FBXL22: variants seen among roughly 807,000 people sequenced by gnomAD.
The protein encoded by FBXL22 is F-box and leucine-rich protein 22.
A neutral mutation model predicts 11.7 loss-of-function variants in FBXL22; 13 were observed. The ratio of observed to expected loss-of-function variants is 1.11; its 90% confidence interval spans 0.73 to 1.77. The LOEUF is 1.77. FBXL22 is among the 40% of genes most tolerant of loss of function. The probability of loss-of-function intolerance (pLI) is 0.00; values close to 1 mark genes in which losing one functional copy is unlikely to be tolerated. For synonymous variants in FBXL22, 160 were observed against 144.1 expected, an observed-to-expected ratio of 1.11 and a Z score of -0.79; for missense variants, 406 against 320.4, an observed-to-expected ratio of 1.27 and a Z score of -2.04.
At chr15:63,605,063 C>CA (rs1178240384), downstream of FBXL22, among the ~76,000 whole-genome samples, 144 of 145,876 alleles carry the variant, frequency 9.9e-4, no homozygotes, top group African/African-American at 1.6e-3. Flanking sequence ...GTCTCAAAAA[C>CA]AAAAAAAAAA....
At chr15:63,601,521 G>C, downstream of FBXL22, 1 of 1,556,126 alleles carries the variant, frequency 6.4e-7, no homozygotes, top group South Asian at 1.2e-5. Flanking sequence ...GAGTGTCCTG[G>C]GGACCGCCAC....
At chr15:63,607,321 A>G (rs1949297758), downstream of FBXL22, among the ~76,000 whole-genome samples, 1 of 152,222 alleles carries the variant, frequency 6.6e-6, no homozygotes, top group Non-Finnish European at 1.5e-5. Flanking sequence ...CTGGGATTAC[A>G]GGCGTGAGCC....
At chr15:63,605,034 C>T (rs550138533), downstream of FBXL22, among the ~76,000 whole-genome samples, 6 of 151,736 alleles carry the variant, frequency 4.0e-5, no homozygotes, top group South Asian at 2.1e-4. Flanking sequence ...GCACAGCCTG[C>T]GCAGCTGAGC....
downstream of FBXL22, chr15:63,601,592 G>A (rs919608210): frequency 4.4e-6 from 7 of 1,577,194 alleles, no homozygotes; most frequent in East Asian, 2.3e-5. Flanking sequence ...GGGCGCACGG[G>A]CAGAAGGAGC....
chr15:63,598,741 C>G (rs2067315064), intron 1 of FBXL22, among the ~76,000 whole-genome samples: 1 of 152,204 alleles, frequency 6.6e-6, no homozygotes, highest in Admixed American at 6.5e-5. Context: ...CGTAGTGACC[C>G]CACCTTTCTT....
downstream of FBXL22, chr15:63,601,850 C>G (rs1039920025): frequency 6.8e-6 from 7 of 1,028,972 alleles, no homozygotes; most frequent in African/African-American, 8.4e-5. Flanking sequence ...CCTGGCTAAG[C>G]TTTTGATAAT....
chr15:63,602,655 A>C (rs2067388731), downstream of FBXL22, among the ~76,000 whole-genome samples: 1 of 151,440 alleles, frequency 6.6e-6, no homozygotes, highest in African/African-American at 2.4e-5. Context: ...AACAAGGGCT[A>C]TTAGGGATTG....
chr15:63,599,193 G>C, intron 1 of FBXL22: 1 of 1,535,546 alleles, frequency 6.5e-7, no homozygotes, highest in South Asian at 1.2e-5. Flanking sequence ...CTGGCACATA[G>C]TAGGTACTGA....
In FBXL22 at chr15:63,600,912, TGCGCCGCCTGC is replaced by T. The variant is rs2067360129; in HGVS notation, c.577_587del (p.Leu193ValfsTer92). The T allele has an allele frequency of 7.4e-6, 9 of 1,215,606 alleles. No homozygotes were observed. Among genetic ancestry groups the T allele is most frequent in the South Asian group, 8.3e-5 (2 of 24,226 alleles). The allele number at this position is 1,215,606 out of a possible 1,614,324, so 75.3% of individuals were successfully genotyped here. ...TGCCGCAACGTGAGCGCGGCCGGCCTGCGCCGCCTGCGCGCCGCGTGCCCGCGCCTGGCCCT... is the reference window on the plus strand; with the variant it reads ...TGCCGCAACGTGAGCGCGGCCGGCCTGCGCCGCGTGCCCGCGCCTGGCCCT... On this transcript the variant is annotated frameshift_variant, in exon 2 of 2. Transcript: ENST00000638704. LOFTEE classifies it high-confidence loss of function.
At position 63,597,801 on chromosome 15, in the gene FBXL22, T is replaced by A; in HGVS notation, c.353+56T>A. ...GCCCCGCTAGCTCTGGCTTCCCTCTTGGGGGGCAGGGAAGAGCAAATTACG... is the reference window on the plus strand; with the variant it reads ...GCCCCGCTAGCTCTGGCTTCCCTCTAGGGGGGCAGGGAAGAGCAAATTACG... On this transcript the variant is annotated intron_variant, in intron 1 of 1. Coordinates refer to ENST00000638704, the MANE Select transcript of FBXL22 (RefSeq NM_001367807.1). The surrounding 1 kb of genome is among the most constrained non-coding windows in gnomAD (Gnocchi z 4.3). 1 of 1,487,088 alleles carries A rather than the reference T, an allele frequency of 6.7e-7. No individual in the cohort carries two copies. Among genetic ancestry groups the A allele is most frequent in the Non-Finnish European group, 9.0e-7 (1 of 1,110,932 alleles). The allele number at this position is 1,487,088 out of a possible 1,614,324, so 92.1% of individuals were successfully genotyped here.
rs1247140446 is a variant in FBXL22, at chr15:63,600,833, T to G, written c.490T>G (p.Leu164Val). 6 of 1,230,556 alleles carry G rather than the reference T, an allele frequency of 4.9e-6. No individual in the cohort carries two copies. The highest frequency in any genetic ancestry group is 6.1e-6 in the Non-Finnish European group (6 of 987,192). The allele number at this position is 1,230,556 out of a possible 1,614,324, so 76.2% of individuals were successfully genotyped here. Residue 164 changes from leucine to valine, a missense_variant, in exon 2 of 2, where the codon TTG becomes GTG. Coordinates refer to ENST00000638704, the MANE Select transcript of FBXL22 (RefSeq NM_001367807.1). ...ENCARVTNRTLAAVAADGRAL... is the reference protein window; with the variant it reads ...ENCARVTNRTVAAVAADGRAL... ...CTGCGCGCGCGTCACCAACCGCACG[T>G]TGGCTGCCGTGGCGGCGGACGGGCG...
intron 1 of FBXL22, chr15:63,599,105 A>G: frequency 8.4e-7 from 1 of 1,186,206 alleles, no homozygotes; most frequent in Non-Finnish European, 1.2e-6. Context: ...AACTCTTGCA[A>G]CCTCATTTCT....
intron 1 of FBXL22, chr15:63,600,329 C>G: frequency 9.6e-7 from 1 of 1,037,328 alleles, no homozygotes; most frequent in South Asian, 4.6e-5. Flanking sequence ...CACCGCTCCC[C>G]TGCAAGGCAG....
Position 63,601,003 on chromosome 15 carries a change from GCC to G in FBXL22, c.662_663del (p.Pro221ArgfsTer67). 5 of 1,194,670 alleles carry G rather than the reference GCC, an allele frequency of 4.2e-6. No individual in the cohort carries two copies. Among genetic ancestry groups the G allele is most frequent in the Non-Finnish European group, 5.2e-6 (5 of 964,440 alleles). 74.0% of individuals were successfully genotyped at this position (1,194,670 alleles called of 1,614,324 possible). A position where few individuals can be genotyped will look rare whatever the true frequency, so the allele number is the denominator to read the frequency against. On this transcript the variant is annotated frameshift_variant, in exon 2 of 2. Coordinates refer to ENST00000638704, the MANE Select transcript of FBXL22 (RefSeq NM_001367807.1). LOFTEE classifies it high-confidence loss of function. ...CCGACCAGCCCCCGCGCCCGCGCGC[GCC>G]CGCCGCGGCCCTCGGCAAGCTGCTG... is the stretch of plus-strand genomic sequence containing the variant. ...LPDQPPRPRA[P>X]AAALGKLLQR
Position 63,597,796 on chromosome 15 carries a change from C to T in FBXL22, c.353+51C>T. The T allele has an allele frequency of 6.7e-7, 1 of 1,495,568 alleles. No individual in the cohort carries two copies. The highest frequency in any genetic ancestry group is 9.0e-7 in the Non-Finnish European group (1 of 1,116,892). The allele number at this position is 1,495,568 out of a possible 1,614,324, so 92.6% of individuals were successfully genotyped here. A position where few individuals can be genotyped will look rare whatever the true frequency, so the allele number is the denominator to read the frequency against. On this transcript the variant is annotated intron_variant, in intron 1 of 1. Coordinates refer to ENST00000638704, the MANE Select transcript of FBXL22 (RefSeq NM_001367807.1). The surrounding 1 kb of genome is among the most constrained non-coding windows in gnomAD (Gnocchi z 4.3). ...TGCTGGCCCCGCTAGCTCTGGCTTC[C>T]CTCTTGGGGGGCAGGGAAGAGCAAA...
downstream of FBXL22, among the ~76,000 whole-genome samples, chr15:63,606,704 T>C (rs904660360): frequency 2.7e-5 from 4 of 146,484 alleles, no homozygotes; most frequent in Non-Finnish European, 6.1e-5. Flanking sequence ...AATGAAAACA[T>C]AGTCAAGACA....
At position 63,601,043 on chromosome 15, in the gene FBXL22, C is replaced by A; in HGVS notation, c.*4C>A. On this transcript the variant is annotated 3_prime_UTR_variant, in exon 2 of 2. Coordinates refer to ENST00000638704, the MANE Select transcript of FBXL22 (RefSeq NM_001367807.1). ...CGGCAAGCTGCTGCAGCGCTAGACG[C>A]CGCCCCGCCGCTGCCCCCGGGGAAG... 1 of 1,225,568 alleles carries A rather than the reference C, an allele frequency of 8.2e-7. No individual in the cohort carries two copies. Among genetic ancestry groups the A allele is most frequent in the Non-Finnish European group, 1.0e-6 (1 of 984,068 alleles). 75.9% of individuals were successfully genotyped at this position (1,225,568 alleles called of 1,614,324 possible).
At position 63,597,762 on chromosome 15, in the gene FBXL22, C is replaced by G. The variant is rs1307694312; in HGVS notation, c.353+17C>G. On this transcript the variant is annotated intron_variant, in intron 1 of 1. Transcript: ENST00000638704. The surrounding 1 kb of genome is among the most constrained non-coding windows in gnomAD (Gnocchi z 4.3). ...GTGCGACAGGTAGGCCACCTTGCCT[C>G]CTGAGCAGTGCTGGCCCCGCTAGCT... is the stretch of plus-strand genomic sequence containing the variant. 2.6e-6 allele frequency: 4 copies of G among 1,557,446 alleles called. No homozygotes were observed. Among genetic ancestry groups the G allele is most frequent in the Non-Finnish European group, 3.5e-6 (4 of 1,149,200 alleles).
downstream of FBXL22, chr15:63,602,391 G>C (rs994057835): frequency 3.9e-5 from 6 of 151,948 alleles, no homozygotes; most frequent in Admixed American, 2.6e-4. Context: ...GACCATCCTG[G>C]CTAACAAGGT....
Sources: allele counts gnomAD v4.1 joint callset (sites outside exome capture counted in the v4.1 genomes callset), GRCh38; gene constraint gnomAD v4.1.1; non-coding constraint Gnocchi (gnomAD v3.1); transcripts MANE v1.5; gene names NCBI Gene and HGNC (gene_info 2026-07-23, HGNC 2026-07-21).